Variants in TMEM8B observed in about 807,000 individuals in gnomAD.
TMEM8B encodes transmembrane protein 8B, also known as nasopharyngeal carcinoma expressed 6.
TMEM8B carries 29 observed loss-of-function variants against 49.3 expected under a neutral mutation model. That is an observed-to-expected ratio of 0.59 (90% CI 0.44 to 0.80). The LOEUF is 0.80. Ranked by LOEUF, TMEM8B falls within the 30% of genes least tolerant of loss-of-function variation. TMEM8B has a pLI of 0.00. For missense variants in TMEM8B, 575 were observed against 658.5 expected (o/e 0.87, Z 1.39); for synonymous variants, 264 against 272.8 (o/e 0.97, Z 0.32).
rs1238233739 is a variant in TMEM8B at position 35,845,962 on chromosome 9, C to T, written c.1636-13C>T. On this transcript the variant is annotated splice_polypyrimidine_tract_variant and intron_variant, in intron 6 of 12. Coordinates refer to ENST00000643932, the MANE Select transcript of TMEM8B (RefSeq NM_001042590.4). ...GGATGTGGCGGCCTCACTTCCATAC[C>T]TGCCCTCCCCAGAGCTCCGTGCGCC... 1.2e-6 allele frequency: 2 copies of T among 1,613,708 alleles called. No individual in the cohort carries two copies. The highest frequency in any genetic ancestry group is 3.3e-4 in the Middle Eastern group (2 of 6,008).
Position 35,863,382 on chromosome 9 carries a change from A to G in TMEM8B, c.*9542A>G, listed in dbSNP as rs925724227. On this transcript the variant is annotated 3_prime_UTR_variant, in exon 13 of 13. Transcript: ENST00000643932. ...CAACTTAAAAGTCTGATCGTAACAC[A>G]TTCATGGAAACTAGAACCAGCACAC... 6.6e-6 allele frequency: 1 copy of G among 152,192 alleles called. No homozygotes were observed. The highest frequency in any genetic ancestry group is 6.5e-5 in the Admixed American group (1 of 15,276). The allele number at this position is 152,192 out of a possible 1,614,324, so 9.4% of individuals were successfully genotyped here.
chr9:35,833,273 T>C, intron 1 of TMEM8B: 1 of 982,216 alleles, frequency 1.0e-6, no homozygotes, highest in Non-Finnish European at 1.2e-6. Flanking sequence ...TCCAGAGTAG[T>C]CCTTATTCCA....
rs944857360 is a variant in TMEM8B at position 35,842,092 on chromosome 9, G to T, written c.1309+298G>T. Among the ~76,000 whole-genome samples the T allele has an allele frequency of 1.3e-5, 2 of 152,112 alleles. No homozygotes were observed. The highest frequency in any genetic ancestry group is 2.9e-5 in the Non-Finnish European group (2 of 68,016). ...CCAGGACCTCTGGGACACTGTCCTT[G>T]CCAAAGCCCTTGCAAGTCAGTGAGA... On this transcript the variant is annotated intron_variant, in intron 5 of 12. Coordinates refer to ENST00000643932, the MANE Select transcript of TMEM8B (RefSeq NM_001042590.4). This position sits in a 1 kb window ranked among gnomAD's most constrained non-coding sequence, Gnocchi z 5.6.
chr9:35,850,252 GA>G (rs528522888), intron 10 of TMEM8B, among the ~76,000 whole-genome samples: 2 of 151,666 alleles, frequency 1.3e-5, no homozygotes, highest in Non-Finnish European at 2.9e-5. Flanking sequence ...AAATTCCACA[GA>G]AAAAAAACCT....
rs13284995 is a variant in TMEM8B at position 35,842,857 on chromosome 9, C to T, written c.1635+140C>T. ...ATCCTGACAATTAGGGACCATGGCT[C>T]AGCCCAATTCTGGTCAACAAACATG... On this transcript the variant is annotated intron_variant, in intron 6 of 12. Coordinates refer to ENST00000643932, the MANE Select transcript of TMEM8B (RefSeq NM_001042590.4). This position sits in a 1 kb window ranked among gnomAD's most constrained non-coding sequence, Gnocchi z 5.6. 0.4 allele frequency: 337,348 copies of T among 839,628 alleles called. 69,206 individuals are homozygous for T. The highest frequency in any genetic ancestry group is 0.51 in the Middle Eastern group (1,388 of 2,740). 52.0% of individuals were successfully genotyped at this position (839,628 alleles called of 1,614,324 possible).
chr9:35,856,980 C>T lies in TMEM8B; in HGVS notation c.*3140C>T, dbSNP rs1268601817. Reference sequence around the variant, plus strand: ...ATGGGAATCCTTGGTTGTCTCCTGACTTGTCTCAGTGGGGGAGATCCCAAG... The same window carrying T: ...ATGGGAATCCTTGGTTGTCTCCTGATTTGTCTCAGTGGGGGAGATCCCAAG... On this transcript the variant is annotated 3_prime_UTR_variant, in exon 13 of 13. Transcript: ENST00000643932. 1 of 152,246 alleles carries T rather than the reference C, an allele frequency of 6.6e-6. No homozygotes were observed. Among genetic ancestry groups the T allele is most frequent in the African/African-American group, 2.4e-5 (1 of 41,456 alleles). 9.4% of individuals were successfully genotyped at this position (152,246 alleles called of 1,614,324 possible).
Position 35,842,298 on chromosome 9 carries a change from CTT to C in TMEM8B, c.1310-92_1310-91del. On this transcript the variant is annotated intron_variant, in intron 5 of 12. Transcript: ENST00000643932. The surrounding 1 kb of genome is among the most constrained non-coding windows in gnomAD (Gnocchi z 5.6). Reference sequence around the variant, plus strand: ...ATTCTAGTTCTCATCCTTCCCCACTCTTTGCGAAATCCTGTCTAGCTCAGATG... The same window carrying C: ...ATTCTAGTTCTCATCCTTCCCCACTCTGCGAAATCCTGTCTAGCTCAGATG... 3 of 994,642 alleles carry C rather than the reference CTT, an allele frequency of 3.0e-6. No homozygotes were observed. Among genetic ancestry groups the C allele is most frequent in the Non-Finnish European group, 4.3e-6 (3 of 704,580 alleles). 61.6% of individuals were successfully genotyped at this position (994,642 alleles called of 1,614,324 possible). A position where few individuals can be genotyped will look rare whatever the true frequency, so the allele number is the denominator to read the frequency against.
chr9:35,849,803 G>A (rs190827071), intron 10 of TMEM8B, among the ~76,000 whole-genome samples: 5 of 152,290 alleles, frequency 3.3e-5, no homozygotes, highest in African/African-American at 1.2e-4. Flanking sequence ...ATACAACTAA[G>A]CCAAATATAA....
At chr9:35,836,616 G>T (rs1231031655) in intron 3 of TMEM8B, among the ~76,000 whole-genome samples, 1 of 152,212 alleles carries the variant, frequency 6.6e-6, no homozygotes, top group East Asian at 1.9e-4. Context: ...GGGACAATGG[G>T]GAATAGAGAT....
intron 3 of TMEM8B, among the ~76,000 whole-genome samples, chr9:35,840,372 C>T (rs1830850843): frequency 6.6e-6 from 1 of 152,138 alleles, no homozygotes; most frequent in Non-Finnish European, 1.5e-5. Flanking sequence ...TCAGCGCTTC[C>T]CCCAGGTGGG....
rs1264571617 is a variant in TMEM8B, at chr9:35,865,341, C to G, written c.*11501C>G. On this transcript the variant is annotated 3_prime_UTR_variant, in exon 13 of 13. Coordinates refer to ENST00000643932, the MANE Select transcript of TMEM8B (RefSeq NM_001042590.4). ...GGAGACACCGAGTACAGGCGAGGGACTTTATTAGGTCAGGGATTTAATCAG... is the reference window on the plus strand; with the variant it reads ...GGAGACACCGAGTACAGGCGAGGGAGTTTATTAGGTCAGGGATTTAATCAG... The G allele has an allele frequency of 6.6e-6, 1 of 152,170 alleles. No individual in the cohort carries two copies. The highest frequency in any genetic ancestry group is 1.5e-5 in the Non-Finnish European group (1 of 68,040). The allele number at this position is 152,170 out of a possible 1,614,324, so 9.4% of individuals were successfully genotyped here. A position where few individuals can be genotyped will look rare whatever the true frequency, so the allele number is the denominator to read the frequency against.
chr9:35,845,359 C>G (rs1345214161), intron 6 of TMEM8B: 10 of 980,278 alleles, frequency 1.0e-5, no homozygotes, highest in Non-Finnish European at 2.4e-6. Context: ...TGTAAGCTGC[C>G]TCAAATCCTT....
Position 35,841,419 on chromosome 9 carries a change from C to T in TMEM8B, c.1041-107C>T. 1 of 410,902 alleles carries T rather than the reference C, an allele frequency of 2.4e-6. No homozygotes were observed. The allele number at this position is 410,902 out of a possible 1,614,324, so 25.5% of individuals were successfully genotyped here. On this transcript the variant is annotated intron_variant, in intron 4 of 12. Transcript: ENST00000643932. This position sits in a 1 kb window ranked among gnomAD's most constrained non-coding sequence, Gnocchi z 5.9. ...CCCAGCACAGAGCGGGAGACCTGAA[C>T]AGGCCTCCTTCCCACCCTATGCCCC... is the stretch of plus-strand genomic sequence containing the variant.
chr9:35,845,509 G>C (rs1831433794), intron 6 of TMEM8B: 1 of 985,288 alleles, frequency 1.0e-6, no homozygotes, highest in Non-Finnish European at 1.2e-6. Context: ...TGTTACCACT[G>C]TTCAGTACCT....
rs1489215253 is a variant in TMEM8B at position 35,864,599 on chromosome 9, A to G, written c.*10759A>G. On this transcript the variant is annotated 3_prime_UTR_variant, in exon 13 of 13. Transcript: ENST00000643932. ...TTGTTTTAAGGATCCAGTGACAGGA[A>G]GCATGCGAAGCTCTTAGAACAGAGC... is the stretch of plus-strand genomic sequence containing the variant. 1 of 152,260 alleles carries G rather than the reference A, an allele frequency of 6.6e-6. No homozygotes were observed. The highest frequency in any genetic ancestry group is 1.5e-5 in the Non-Finnish European group (1 of 68,054). 9.4% of individuals were successfully genotyped at this position (152,260 alleles called of 1,614,324 possible).
At chr9:35,845,859 C>T in intron 6 of TMEM8B, 116 bp from the exon 7 acceptor site, 1 of 1,585,222 alleles carries the variant, frequency 6.3e-7, no homozygotes, top group Non-Finnish European at 8.6e-7. Context: ...GTGGAGAGCG[C>T]CGGGAGGAAT....
intron 3 of TMEM8B, among the ~76,000 whole-genome samples, chr9:35,838,724 A>G (rs1384982713): frequency 2.6e-5 from 4 of 152,188 alleles, no homozygotes; most frequent in East Asian, 3.9e-4. Context: ...CTCCCAGTCC[A>G]TGCTTCTTTC....
chr9:35,845,573 G>T, intron 6 of TMEM8B: 1 of 985,378 alleles, frequency 1.0e-6, no homozygotes, highest in Non-Finnish European at 1.2e-6. Flanking sequence ...CCTGTCTTGG[G>T]GTCCAGGTGA....
In TMEM8B at chr9:35,850,104, A is replaced by G. The variant is rs1831998439; in HGVS notation, c.2176-2723A>G. ...CCAAGAGAAAATGAAAGCAGAAAAC[A>G]GGAAATAAGGGAGTAACAGCAAGTT... On this transcript the variant is annotated intron_variant, in intron 10 of 12. Coordinates refer to ENST00000643932, the MANE Select transcript of TMEM8B (RefSeq NM_001042590.4). Among the ~76,000 whole-genome samples, 3 of 152,250 alleles carry G rather than the reference A, an allele frequency of 2.0e-5. No individual in the cohort carries two copies. In the South Asian group the frequency reaches 6.2e-4, roughly 31 times the overall value.
Sources: gnomAD v4.1 joint callset for allele counts (sites outside exome capture counted in the v4.1 genomes callset) on GRCh38, gnomAD v4.1.1 for gene constraint, Gnocchi (gnomAD v3.1) non-coding constraint, MANE v1.5 for transcripts, NCBI Gene and HGNC (gene_info 2026-07-23, HGNC 2026-07-21) for gene names.